CLIP2: variants seen among roughly 807,000 people sequenced by gnomAD.
The protein encoded by CLIP2 is CAP-Gly domain-containing linker protein 2.
A neutral mutation model predicts 111.7 loss-of-function variants in CLIP2; 41 were observed. That is an observed-to-expected ratio of 0.37 (90% CI 0.29 to 0.48). CLIP2 has a LOEUF of 0.48. Ranked by LOEUF, CLIP2 falls within the 20% of genes least tolerant of loss-of-function variation. CLIP2 has a pLI of 0.99. For synonymous variants in CLIP2, 660 were observed against 644.2 expected (o/e 1.02, Z -0.37); for missense variants, 1,160 against 1,422.1 (o/e 0.82, Z 2.96).
chr7:74,377,030 A>G (rs1186422860), intron 10 of CLIP2, among the ~76,000 whole-genome samples: 1 of 151,948 alleles, frequency 6.6e-6, no homozygotes, highest in Non-Finnish European at 1.5e-5. Flanking sequence ...GACCAGGGAG[A>G]ACCGAAGCTG....
At chr7:74,362,528 C>CT (rs3044338) in intron 7 of CLIP2, among the ~76,000 whole-genome samples, 87,228 of 122,170 alleles carry the variant, frequency 0.71, 30,238 homozygotes, top group East Asian at 0.83. Flanking sequence ...TTTTTCTTTT[C>CT]TTTTTTTTTT....
At chr7:74,403,760 TC>T in intron 16 of CLIP2, 76 bp from the exon 17 acceptor site, 2 of 1,522,006 alleles carry the variant, frequency 1.3e-6, no homozygotes, top group Non-Finnish European at 1.8e-6. Context: ...ACTCCTTTCC[TC>T]CCTGACTCCC....
intron 6 of CLIP2, among the ~76,000 whole-genome samples, chr7:74,359,573 T>C (rs941730725): frequency 5.3e-5 from 8 of 152,034 alleles, no homozygotes; most frequent in Admixed American, 2.6e-4. Flanking sequence ...GCCAGGATGG[T>C]CTCAATCTCC....
intron 2 of CLIP2, among the ~76,000 whole-genome samples, chr7:74,335,900 G>T (rs1289126541): frequency 6.6e-6 from 1 of 150,714 alleles, no homozygotes; most frequent in Admixed American, 6.6e-5. Flanking sequence ...CCACCACCAC[G>T]CCTGACTAAT....
intron 1 of CLIP2, among the ~76,000 whole-genome samples, chr7:74,308,761 G>A (rs1000841915): frequency 1.3e-5 from 2 of 151,810 alleles, no homozygotes; most frequent in African/African-American, 4.8e-5. Context: ...TGCCTCGGCC[G>A]TCTTTTCATG....
Position 74,405,269 on chromosome 7 carries a change from AG to A in CLIP2, c.*1425del. The A allele has an allele frequency of 6.6e-6, 1 of 152,356 alleles. No individual in the cohort carries two copies. Among genetic ancestry groups the A allele is most frequent in the Non-Finnish European group, 1.5e-5 (1 of 68,080 alleles). The allele number at this position is 152,356 out of a possible 1,614,324, so 9.4% of individuals were successfully genotyped here. ...CAGCTTTGCACCCCGGCATCAGCAC[AG>A]GGGTCCCTGCCCCACCCTCCGGCAG... is the stretch of plus-strand genomic sequence containing the variant. On this transcript the variant is annotated 3_prime_UTR_variant, in exon 17 of 17. Transcript: ENST00000223398.
At chr7:74,326,887 C>T (rs1319614537) in intron 2 of CLIP2, among the ~76,000 whole-genome samples, 6 of 151,800 alleles carry the variant, frequency 4.0e-5, no homozygotes, top group African/African-American at 4.8e-5. Context: ...CCGCCTGCCT[C>T]GGCCTCCCAA....
chr7:74,362,701 A>AT (rs1241895887), intron 7 of CLIP2, among the ~76,000 whole-genome samples: 5 of 151,432 alleles, frequency 3.3e-5, no homozygotes, highest in Non-Finnish European at 7.4e-5. Flanking sequence ...TGCCTGGCTA[A>AT]TTTTTATATT....
intron 13 of CLIP2, among the ~76,000 whole-genome samples, chr7:74,396,602 C>CCTCCACCTTCCAGGTCCAAGTGATT (rs1162086312): frequency 9.2e-5 from 14 of 152,138 alleles, no homozygotes; most frequent in African/African-American, 3.4e-4. Context: ...CTCACTGCAA[C>CCTCCACCTTCCAGGTCCAAGTGATT]CTCCACCTTC....
At chr7:74,372,614 G>T (rs1158555028) in intron 8 of CLIP2, among the ~76,000 whole-genome samples, 4 of 151,930 alleles carry the variant, frequency 2.6e-5, no homozygotes, top group Admixed American at 2.6e-4. Context: ...GAAAAGCGAG[G>T]TGCCCATTGC....
At chr7:74,399,134 T>G (rs10270732) in intron 14 of CLIP2, among the ~76,000 whole-genome samples, 2 of 22,456 alleles carry the variant, frequency 8.9e-5, no homozygotes, top group African/African-American at 1.8e-4. Flanking sequence ...ATGGAGTTTG[T>G]GCAGGAGCGA....
rs540123267 is a variant in CLIP2, at chr7:74,383,299, C to A, written c.2479+2436C>A. On this transcript the variant is annotated intron_variant, in intron 11 of 16. Transcript: ENST00000223398. ...TTTGAAAATGGTCATTTTCTCCCCC[C>A]AACCCTCATTGATTGGAATTACTAA... Among the ~76,000 whole-genome samples, 23 of 152,196 alleles carry A rather than the reference C, an allele frequency of 1.5e-4. 1 individual carries two copies. In the Middle Eastern group the frequency reaches 0.01, roughly 68 times the overall value.
At chr7:74,332,427 G>A (rs1322086276) in intron 2 of CLIP2, among the ~76,000 whole-genome samples, 1 of 149,338 alleles carries the variant, frequency 6.7e-6, no homozygotes, top group Non-Finnish European at 1.5e-5. Flanking sequence ...GATTGCAGTG[G>A]TGGGATCATG....
intron 1 of CLIP2, among the ~76,000 whole-genome samples, chr7:74,291,210 C>T (rs1483159603): frequency 6.6e-6 from 1 of 152,050 alleles, no homozygotes; most frequent in Non-Finnish European, 1.5e-5. Context: ...AGAGGGGCTC[C>T]AAAGGCAGAA....
intron 11 of CLIP2, among the ~76,000 whole-genome samples, chr7:74,383,169 A>T (rs1004647095): frequency 1.3e-5 from 2 of 150,970 alleles, no homozygotes; most frequent in Admixed American, 1.3e-4. Flanking sequence ...CCTATTTTCT[A>T]TGCTGAAATC....
chr7:74,400,340 T>G, intron 14 of CLIP2, 30 bp from the exon 15 acceptor site: 1 of 1,575,470 alleles, frequency 6.3e-7, no homozygotes, highest in Non-Finnish European at 8.7e-7. Flanking sequence ...CGCACACTCA[T>G]GTACTCTTCC....
At chr7:74,292,367 A>G (rs926141054) in intron 1 of CLIP2, among the ~76,000 whole-genome samples, 1 of 152,066 alleles carries the variant, frequency 6.6e-6, no homozygotes, top group Non-Finnish European at 1.5e-5. Flanking sequence ...AGTATATATT[A>G]AGTGCTTACT....
At chr7:74,330,204 C>T (rs1472387215) in intron 2 of CLIP2, among the ~76,000 whole-genome samples, 7 of 151,772 alleles carry the variant, frequency 4.6e-5, no homozygotes, top group African/African-American at 1.7e-4. Context: ...GCTGGGACTA[C>T]AGGCTTGAGC....
rs1281314344 is a variant in CLIP2 at position 74,403,688 on chromosome 7, C to G, written c.3130-149C>G. 6.2e-6 allele frequency: 5 copies of G among 807,390 alleles called. No individual in the cohort carries two copies. In the Admixed American group the frequency reaches 8.8e-5, roughly 14 times the overall value. 50.0% of individuals were successfully genotyped at this position (807,390 alleles called of 1,614,324 possible). ...GCCACAAACACACAGCAGGGAGACACTTCCTGCCTCAGGGCCTTGGCACAT... is the reference window on the plus strand; with the variant it reads ...GCCACAAACACACAGCAGGGAGACAGTTCCTGCCTCAGGGCCTTGGCACAT... On this transcript the variant is annotated intron_variant, in intron 16 of 16. Transcript: ENST00000223398.
Sources: allele counts gnomAD v4.1 joint callset (sites outside exome capture counted in the v4.1 genomes callset), GRCh38; gene constraint gnomAD v4.1.1; transcripts MANE v1.5; gene names NCBI Gene and HGNC (gene_info 2026-07-23, HGNC 2026-07-21).